The following NNT variants were observed in gnomAD, a reference collection of about 807,000 sequenced individuals.
NNT encodes NAD(P) transhydrogenase, mitochondrial.
Under a neutral mutation model 104.8 loss-of-function variants are expected in NNT, and 50 were observed. That is an observed-to-expected ratio of 0.48 (90% CI 0.38 to 0.60). The LOEUF (loss-of-function observed/expected upper bound fraction) is 0.60, where lower values mean the gene tolerates loss of function less well. Among genes scored for constraint, NNT ranks in the 20% least tolerant of loss-of-function variants. The probability of loss-of-function intolerance (pLI) is 0.00; values close to 1 mark genes in which losing one functional copy is unlikely to be tolerated. For missense variants in NNT, 1,131 were observed against 1,330.7 expected (o/e 0.85, Z 2.33); for synonymous variants, 461 against 490.4 (o/e 0.94, Z 0.79).
In NNT at chr5:43,661,605, C is replaced by A. The variant is rs1389163833; in HGVS notation, c.2634+2255C>A. ...TCCCCAGAGTGTGATATTCCCCTTC[C>A]TGTGTCCATGTGATCTCATTGTTCA... On this transcript the variant is annotated intron_variant, in intron 17 of 21. Coordinates refer to ENST00000344920, the MANE Select transcript of NNT (RefSeq NM_182977.3). 1.8e-4 allele frequency among the ~76,000 whole-genome samples: 25 copies of A among 138,220 alleles called. No homozygotes were observed. The Admixed American group carries it at 1.9e-3, about 11-fold the overall frequency. The allele number at this position is 138,220 out of a possible 152,430, so 90.7% of individuals were successfully genotyped here.
intron 1 of NNT, among the ~76,000 whole-genome samples, chr5:43,603,890 G>C (rs1749066931): frequency 6.6e-6 from 1 of 152,124 alleles, no homozygotes; most frequent in African/African-American, 2.4e-5. Context: ...TGGGGCCTAG[G>C]CTGGTGAGGA....
intron 7 of NNT, among the ~76,000 whole-genome samples, chr5:43,635,578 C>A (rs1054788019): frequency 6.6e-6 from 1 of 152,122 alleles, no homozygotes; most frequent in Admixed American, 6.6e-5. Context: ...AGTGGCTTAA[C>A]CAACAGAAAT....
At chr5:43,603,374 C>G (rs1353463009) in intron 1 of NNT, 80 bp downstream of exon 1, 1 of 152,704 alleles carries the variant, frequency 6.5e-6, no homozygotes, top group Non-Finnish European at 1.5e-5. Context: ...TCGGGCCTTT[C>G]CTGAAGACCA....
chr5:43,634,844 C>G (rs1461603724), intron 7 of NNT, among the ~76,000 whole-genome samples: 1 of 152,162 alleles, frequency 6.6e-6, no homozygotes, highest in Admixed American at 6.5e-5. Flanking sequence ...TTTGAGCACA[C>G]TTTGTGAGTG....
At chr5:43,668,143 G>A (rs1204905922) in intron 17 of NNT, among the ~76,000 whole-genome samples, 1 of 151,678 alleles carries the variant, frequency 6.6e-6, no homozygotes, top group Non-Finnish European at 1.5e-5. Context: ...AAATTTGTTT[G>A]GTTTAGTTCT....
rs1335387220 is a variant in NNT at position 43,650,670 on chromosome 5, T to A, written c.1717+83T>A. 43 of 1,023,344 alleles carry A rather than the reference T, an allele frequency of 4.2e-5. 1 individual carries two copies. The highest frequency in any genetic ancestry group is 8.7e-6 in the Non-Finnish European group (6 of 688,978). The allele number at this position is 1,023,344 out of a possible 1,614,324, so 63.4% of individuals were successfully genotyped here. On this transcript the variant is annotated intron_variant, in intron 12 of 21. Coordinates refer to ENST00000344920, the MANE Select transcript of NNT (RefSeq NM_182977.3). ...ATAAATCCATATAAAATAGACATAA[T>A]TGTGCCTTCAAAAAATGTTTCACTC... is the stretch of plus-strand genomic sequence containing the variant.
intron 5 of NNT, among the ~76,000 whole-genome samples, chr5:43,622,644 T>C (rs1750157193): frequency 6.6e-6 from 1 of 152,198 alleles, no homozygotes. Flanking sequence ...TTGTTTAATA[T>C]AACAACAGTC....
intron 2 of NNT, among the ~76,000 whole-genome samples, chr5:43,611,029 A>C (rs1749472516): frequency 6.6e-6 from 1 of 152,048 alleles, no homozygotes; most frequent in Admixed American, 6.6e-5. Flanking sequence ...GTCAGTATTC[A>C]TATTTTTTCA....
chr5:43,700,071 A>G (rs1040560135), intron 19 of NNT, 48 bp from the exon 20 acceptor site: 1 of 1,470,674 alleles, frequency 6.8e-7, no homozygotes. Context: ...GTCTCTGTAC[A>G]TTATGTCCTG....
intron 17 of NNT, among the ~76,000 whole-genome samples, chr5:43,668,344 A>C (rs1430074107): frequency 6.6e-6 from 1 of 151,792 alleles, no homozygotes; most frequent in South Asian, 2.1e-4. Flanking sequence ...TTTATACATG[A>C]AGTCCTTGCC....
At chr5:43,633,228 C>T (rs1750772382) in intron 7 of NNT, among the ~76,000 whole-genome samples, 1 of 152,160 alleles carries the variant, frequency 6.6e-6, no homozygotes, top group African/African-American at 2.4e-5. Flanking sequence ...CATAGTCTCC[C>T]ACTCCCCAAT....
At chr5:43,693,225 C>T (rs573830597) in intron 19 of NNT, among the ~76,000 whole-genome samples, 1 of 152,230 alleles carries the variant, frequency 6.6e-6, no homozygotes, top group South Asian at 2.1e-4. Flanking sequence ...TGTCTTTTCT[C>T]AAATTCCTGG....
intron 17 of NNT, among the ~76,000 whole-genome samples, chr5:43,674,764 C>G (rs1251542276): frequency 1.3e-5 from 2 of 152,184 alleles, no homozygotes; most frequent in African/African-American, 4.8e-5. Flanking sequence ...TAACATATTT[C>G]AGCAGTGGCA....
chr5:43,614,685 A>G (rs920720533), intron 3 of NNT, among the ~76,000 whole-genome samples: 2 of 152,258 alleles, frequency 1.3e-5, no homozygotes, highest in Non-Finnish European at 2.9e-5. Flanking sequence ...TATTTAAAAC[A>G]TAAGTCCCAG....
At chr5:43,623,928 T>A in intron 5 of NNT, 104 bp from the exon 6 acceptor site, 1 of 1,050,582 alleles carries the variant, frequency 9.5e-7, no homozygotes, top group Non-Finnish European at 1.5e-6. Flanking sequence ...TGCACCGCCA[T>A]TTATTGATGC....
chr5:43,611,753 G>C (rs531983997), intron 2 of NNT, among the ~76,000 whole-genome samples: 16 of 152,192 alleles, frequency 1.1e-4, no homozygotes, highest in African/African-American at 3.6e-4. Flanking sequence ...CAGATCTTAG[G>C]TTGCAAGAAT....
chr5:43,672,450 CA>C (rs567299040), intron 17 of NNT, among the ~76,000 whole-genome samples: 47 of 152,226 alleles, frequency 3.1e-4, no homozygotes, highest in African/African-American at 9.6e-5. Context: ...TGGTGACGTA[CA>C]GATGAGGTTT....
intron 5 of NNT, among the ~76,000 whole-genome samples, chr5:43,621,497 C>T (rs1750090092): frequency 6.6e-6 from 1 of 151,990 alleles, no homozygotes; most frequent in African/African-American, 2.4e-5. Context: ...CAGTGGGGGT[C>T]ATAGTGAGGA....
chr5:43,632,922 G>A (rs1750751070), intron 7 of NNT, among the ~76,000 whole-genome samples: 1 of 152,148 alleles, frequency 6.6e-6, no homozygotes, highest in Non-Finnish European at 1.5e-5. Context: ...AGTACGTTGG[G>A]GAGGGGAGTA....
Sources: allele counts gnomAD v4.1 joint callset (sites outside exome capture counted in the v4.1 genomes callset), GRCh38; gene constraint gnomAD v4.1.1; transcripts MANE v1.5; gene names NCBI Gene and HGNC (gene_info 2026-07-23, HGNC 2026-07-21).